The following SRGAP3 variants were observed in gnomAD, a reference collection of about 807,000 sequenced individuals.
SRGAP3 encodes SLIT-ROBO Rho GTPase-activating protein 3.
A neutral mutation model predicts 121.1 loss-of-function variants in SRGAP3; 39 were observed. That is an observed-to-expected ratio of 0.32 (90% CI 0.25 to 0.42). The LOEUF is 0.42. Ranked by LOEUF, SRGAP3 falls within the 10% of genes least tolerant of loss-of-function variation. SRGAP3 has a pLI of 1.00. For missense variants in SRGAP3, 1,213 were observed against 1,470.6 expected, an observed-to-expected ratio of 0.82 and a Z score of 2.86; for synonymous variants, 601 against 570.0, an observed-to-expected ratio of 1.05 and a Z score of -0.77.
At chr3:9,032,307 T>C (rs1023854750) in intron 12 of SRGAP3, among the ~76,000 whole-genome samples, 47 of 152,350 alleles carry the variant, frequency 3.1e-4, no homozygotes, top group African/African-American at 1.1e-3. Context: ...GGGAATGGGG[T>C]TTCTCTGACT....
chr3:9,113,208 G>A (rs1355185210), intron 2 of SRGAP3, among the ~76,000 whole-genome samples: 2 of 152,170 alleles, frequency 1.3e-5, no homozygotes, highest in Non-Finnish European at 2.9e-5. Flanking sequence ...CAACAGGTAT[G>A]TGTTGTCTCA....
chr3:9,115,870 T>C (rs1323932367), intron 2 of SRGAP3, among the ~76,000 whole-genome samples: 1 of 152,108 alleles, frequency 6.6e-6, no homozygotes, highest in African/African-American at 2.4e-5. Context: ...TTGTTATAAA[T>C]AGAAGGTAAC....
rs1949847755 is a variant in SRGAP3 at position 9,141,553 on chromosome 3, G to GTGTGTGTGT, written c.68-16637_68-16636insACACACACA. Among the ~76,000 whole-genome samples the GTGTGTGTGT allele has an allele frequency of 7.3e-3, 1,011 of 138,446 alleles. 21 individuals are homozygous for GTGTGTGTGT. The highest frequency in any genetic ancestry group is 0.026 in the African/African-American group (962 of 36,458). 90.8% of individuals were successfully genotyped at this position (138,446 alleles called of 152,430 possible). A position where few individuals can be genotyped will look rare whatever the true frequency, so the allele number is the denominator to read the frequency against. On this transcript the variant is annotated intron_variant, in intron 1 of 21. Coordinates refer to ENST00000383836, the MANE Select transcript of SRGAP3 (RefSeq NM_014850.4). The stretch of plus-strand genomic sequence containing the variant: ...GAAACAAGAAGGATCTGACTTCAGG[G>GTGTGTGTGT]GTGTGTGTGTGTGTGTGTGTGTGTG...
intron 3 of SRGAP3, among the ~76,000 whole-genome samples, chr3:9,282,768 C>T (rs989294157): frequency 1.3e-4 from 20 of 152,058 alleles, no homozygotes; most frequent in African/African-American, 4.6e-4. Flanking sequence ...AGGAGTGAGT[C>T]ACTGTGCCCA....
chr3:9,359,190 G>T (rs1242677052), intron 1 of SRGAP3, among the ~76,000 whole-genome samples: 1 of 152,090 alleles, frequency 6.6e-6, no homozygotes, highest in African/African-American at 2.4e-5. Flanking sequence ...TGATCCTCAG[G>T]GACAGTCATG....
rs548332310 is a variant in SRGAP3, at chr3:9,176,622, G to T, written c.68-51705C>A. On this transcript the variant is annotated intron_variant, in intron 1 of 21. Transcript: ENST00000383836. ...CATGGTTCTGCAGGCTGTACAGGAAGCATGGTGGCACCTGCTTCTGGGGAG... is the reference window on the plus strand; with the variant it reads ...CATGGTTCTGCAGGCTGTACAGGAATCATGGTGGCACCTGCTTCTGGGGAG... 3.2e-4 allele frequency among the ~76,000 whole-genome samples: 48 copies of T among 152,316 alleles called. No individual in the cohort carries two copies. In the East Asian group the frequency reaches 4.8e-3, roughly 15 times the overall value.
chr3:9,198,533 T>C (rs778770933), intron 1 of SRGAP3, among the ~76,000 whole-genome samples: 41 of 152,242 alleles, frequency 2.7e-4, no homozygotes, highest in Non-Finnish European at 4.6e-4. Flanking sequence ...GTGCCAGTAC[T>C]GTCTTGAAAC....
At chr3:9,282,838 A>G (rs147165963) in intron 3 of SRGAP3, among the ~76,000 whole-genome samples, 1 of 152,290 alleles carries the variant, frequency 6.6e-6, no homozygotes, top group East Asian at 1.9e-4. Flanking sequence ...TCACACAGAT[A>G]AATATAGTTG....
chr3:9,326,491 C>T (rs1955521172), intron 2 of SRGAP3, among the ~76,000 whole-genome samples: 1 of 151,692 alleles, frequency 6.6e-6, no homozygotes, highest in Non-Finnish European at 1.5e-5. Context: ...TTATCTTTTC[C>T]ATGGCGAGTC....
Position 9,321,230 on chromosome 3 carries a change from C to T in SRGAP3, n.442+4780G>A, listed in dbSNP as rs570687991. On this transcript the variant is annotated intron_variant and non_coding_transcript_variant, in intron 3 of 3. Coordinates refer to the SRGAP3 transcript ENST00000490889. ...GAGTGGACAAGCCTTCAGAGGACTT[C>T]AGCCCCAGCCTTCAAGTCTTCCAGT... 2.6e-5 allele frequency among the ~76,000 whole-genome samples: 4 copies of T among 152,006 alleles called. No individual in the cohort carries two copies. In the South Asian group the frequency reaches 6.2e-4, roughly 24 times the overall value.
intron 1 of SRGAP3, among the ~76,000 whole-genome samples, chr3:9,130,711 T>C (rs1949413674): frequency 6.6e-6 from 1 of 152,264 alleles, no homozygotes; most frequent in African/African-American, 2.4e-5. Context: ...ACACTTTTAA[T>C]CCCTCTGTAT....
intron 3 of SRGAP3, among the ~76,000 whole-genome samples, chr3:9,279,765 G>A (rs761500421): frequency 4.0e-5 from 6 of 151,884 alleles, no homozygotes; most frequent in Admixed American, 2.6e-4. Flanking sequence ...CACCCGCCTC[G>A]GCCTCCCAAA....
chr3:9,363,020 C>G (rs535625518), exon 1 of SRGAP3: 66 of 152,472 alleles, frequency 4.3e-4, no homozygotes, highest in Admixed American at 4.2e-3. Flanking sequence ...GCGGAGCCAC[C>G]GTGACTCGTA....
At chr3:9,278,431 C>G (rs1379554094) in intron 3 of SRGAP3, among the ~76,000 whole-genome samples, 2 of 152,170 alleles carry the variant, frequency 1.3e-5, no homozygotes, top group African/African-American at 2.4e-5. Flanking sequence ...CACTCACCAG[C>G]CAAGTGTGCA....
At chr3:9,146,316 T>G (rs556564797) in intron 1 of SRGAP3, among the ~76,000 whole-genome samples, 1 of 152,170 alleles carries the variant, frequency 6.6e-6, no homozygotes, top group African/African-American at 2.4e-5. Flanking sequence ...GCATTTCCCT[T>G]AGACTGCCCA....
At position 9,070,849 on chromosome 3, in the gene SRGAP3, G is replaced by A. The variant is rs139866242; in HGVS notation, c.487-6268C>T. On this transcript the variant is annotated intron_variant, in intron 4 of 21. Coordinates refer to ENST00000383836, the MANE Select transcript of SRGAP3 (RefSeq NM_014850.4). ...CAGTGTGGAAGACATGCAGGTCGCC[G>A]CCCTCATAGGATCCAAACTGTAGTA... Among the ~76,000 whole-genome samples, 18 of 152,258 alleles carry A rather than the reference G, an allele frequency of 1.2e-4. No homozygotes were observed. In the East Asian group the frequency reaches 2.7e-3, roughly 23 times the overall value.
chr3:9,182,248 A>C (rs532371489), intron 1 of SRGAP3, among the ~76,000 whole-genome samples: 3 of 152,134 alleles, frequency 2.0e-5, no homozygotes, highest in Admixed American at 6.5e-5. Context: ...AATTAAATAA[A>C]ATAAAAAATG....
intron 1 of SRGAP3, among the ~76,000 whole-genome samples, chr3:9,126,699 GT>G (rs1949246998): frequency 6.6e-6 from 1 of 151,316 alleles, no homozygotes; most frequent in African/African-American, 2.4e-5. Context: ...CATGTTCTCA[GT>G]TATAAGTGGG....
At chr3:9,133,178 T>C (rs1243568963) in intron 1 of SRGAP3, among the ~76,000 whole-genome samples, 1 of 152,072 alleles carries the variant, frequency 6.6e-6, no homozygotes, top group Non-Finnish European at 1.5e-5. Context: ...CTTATCTTTT[T>C]CTTTTAATAA....
Sources: gnomAD v4.1 joint callset for allele counts (sites outside exome capture counted in the v4.1 genomes callset) on GRCh38, gnomAD v4.1.1 for gene constraint, MANE v1.5 for transcripts, NCBI Gene and HGNC (gene_info 2026-07-23, HGNC 2026-07-21) for gene names.